GFY: variants seen among roughly 807,000 people sequenced by gnomAD.
The protein encoded by GFY is golgi associated olfactory signaling regulator, also known as Golgi-associated olfactory signaling regulator.
In GFY, 28 loss-of-function variants were observed where a neutral mutation model predicts 29.1. That is an observed-to-expected ratio of 0.96 (90% CI 0.71 to 1.32). The LOEUF (loss-of-function observed/expected upper bound fraction) is 1.32, where lower values mean the gene tolerates loss of function less well. GFY is among the 40% of genes most tolerant of loss of function. The probability of loss-of-function intolerance (pLI) is 0.00; values close to 1 mark genes in which losing one functional copy is unlikely to be tolerated. For missense variants in GFY, 656 were observed against 661.9 expected (o/e 0.99, Z 0.10); for synonymous variants, 277 against 274.5 (o/e 1.01, Z -0.09).
chr19:49,426,716 A>G lies in GFY; in HGVS notation c.286A>G (p.Thr96Ala), dbSNP rs1355778176. 2.0e-6 allele frequency: 3 copies of G among 1,535,518 alleles called. No individual in the cohort carries two copies. The African/African-American group carries it at 4.1e-5, about 21-fold the overall frequency. ...GCCCCTCAACCCTGACCTCCGAGAA[A>G]CCCCGCACCCAGAGTCTCCTGAGAC... ...TEPLNPDLRE[T>A]PHPESPETPK... Residue 96 changes from threonine to alanine, a missense_variant, in exon 2 of 4, where the codon ACC (threonine) becomes GCC (alanine). Thr to Ala is a moderately conservative substitution (Grantham distance 58). Coordinates refer to ENST00000610896, the MANE Select transcript of GFY (RefSeq NM_001195256.2).
In GFY at chr19:49,426,415, G is replaced by A. The variant is rs375767641; in HGVS notation, c.-16G>A. 1.3e-6 allele frequency: 2 copies of A among 1,520,500 alleles called. No individual in the cohort carries two copies. Among genetic ancestry groups the A allele is most frequent in the Non-Finnish European group, 1.8e-6 (2 of 1,138,590 alleles). The allele number at this position is 1,520,500 out of a possible 1,614,324, so 94.2% of individuals were successfully genotyped here. On this transcript the variant is annotated 5_prime_UTR_variant, in exon 2 of 4. Coordinates refer to ENST00000610896, the MANE Select transcript of GFY (RefSeq NM_001195256.2). ...CTTCCCGCTCTCCCCCGCAGCTATA[G>A]GTATCTGCCAGAGCTATGAAATCAT...
rs867743844 is a variant in GFY, at chr19:49,427,171, G to A, written c.741G>A (p.Val247=). ...AAACCCCCCACCCAGAATCCCATGT[G>A]ACCCACAATCCCAGCCCCACCGAAA... ...PSKTPHPESH[V]THNPSPTEIS... is the part of the protein sequence containing the mutation. Residue 247 remains valine (V), a synonymous_variant, in exon 2 of 4, where the codon GTG becomes GTA. Coordinates refer to ENST00000610896, the MANE Select transcript of GFY (RefSeq NM_001195256.2). 3.3e-6 allele frequency: 5 copies of A among 1,535,318 alleles called. No homozygotes were observed. The African/African-American group carries it at 4.1e-5, about 13-fold the overall frequency.
intron 1 of GFY, 110 bp downstream of exon 1, chr19:49,425,599 G>A (rs1268106760): frequency 1.3e-5 from 2 of 152,392 alleles, no homozygotes; most frequent in Non-Finnish European, 2.9e-5. Flanking sequence ...CCCCGGAGAT[G>A]CCGAAATCCT....
Position 49,427,581 on chromosome 19 carries a change from C to G in GFY, c.1151C>G (p.Thr384Ser), listed in dbSNP as rs967906669. 5.4e-6 allele frequency: 8 copies of G among 1,485,318 alleles called. No homozygotes were observed. Among genetic ancestry groups the G allele is most frequent in the African/African-American group, 4.2e-5 (3 of 70,862 alleles). The allele number at this position is 1,485,318 out of a possible 1,614,324, so 92.0% of individuals were successfully genotyped here. A position where few individuals can be genotyped will look rare whatever the true frequency, so the allele number is the denominator to read the frequency against. Residue 384 changes from threonine to serine, a missense_variant, in exon 2 of 4, where the codon ACC (threonine) becomes AGC (serine). Transcript: ENST00000610896. ...QRHSRGEGVN[T>S]IIVVERVKET... ...CACAGCCGAGGTGAGGGAGTCAACACCATCATCGTGGTGGAGCGAGTGAAG... is the reference window on the plus strand; with the variant it reads ...CACAGCCGAGGTGAGGGAGTCAACAGCATCATCGTGGTGGAGCGAGTGAAG...
In GFY at chr19:49,426,616, T is replaced by C; in HGVS notation, c.186T>C (p.Pro62=). The part of the protein sequence containing the change: ...SKRDRLNPEF[P]GTPYPEPSKL... ...GAGATCGCCTTAACCCAGAATTTCCTGGGACTCCTTACCCTGAGCCTTCCA... is the reference window on the plus strand; with the variant it reads ...GAGATCGCCTTAACCCAGAATTTCCCGGGACTCCTTACCCTGAGCCTTCCA... Residue 62 remains proline (P), a synonymous_variant, in exon 2 of 4, where the codon CCT becomes CCC. Coordinates refer to ENST00000610896, the MANE Select transcript of GFY (RefSeq NM_001195256.2). 1 of 1,535,982 alleles carries C rather than the reference T, an allele frequency of 6.5e-7. No individual in the cohort carries two copies. Among genetic ancestry groups the C allele is most frequent in the Non-Finnish European group, 8.7e-7 (1 of 1,146,842 alleles).
chr19:49,428,797 G>C lies in GFY; in HGVS notation c.1536G>C (p.Thr512=). Residue 512 remains threonine (T), a synonymous_variant, in exon 4 of 4, where the codon ACG becomes ACC. Transcript: ENST00000610896. ...PQRLEALSPA[T]LPNNFV The stretch of plus-strand genomic sequence containing the variant: ...GTCTGGAGGCCCTGTCCCCCGCCAC[G>C]CTCCCCAACAACTTCGTGTGAGCCC... The C allele has an allele frequency of 6.8e-7, 1 of 1,461,682 alleles. No individual in the cohort carries two copies. Among genetic ancestry groups the C allele is most frequent in the East Asian group, 2.6e-5 (1 of 38,012 alleles). The allele number at this position is 1,461,682 out of a possible 1,614,324, so 90.5% of individuals were successfully genotyped here.
At chr19:49,425,379 T>G (rs199714636), upstream of GFY, 1 of 152,180 alleles carries the variant, frequency 6.6e-6, no homozygotes, top group Non-Finnish European at 1.5e-5. Flanking sequence ...GCGTCACCTG[T>G]GTGCCCCTGA....
At position 49,426,650 on chromosome 19, in the gene GFY, C is replaced by T. The variant is rs1975076055; in HGVS notation, c.220C>T (p.His74Tyr). The T allele has an allele frequency of 1.3e-6, 2 of 1,536,030 alleles. No homozygotes were observed. The highest frequency in any genetic ancestry group is 1.7e-6 in the Non-Finnish European group (2 of 1,146,900). Reference sequence around the variant, plus strand: ...TTACCCTGAGCCTTCCAAGCTACCTCATACGGTTTCCCTGGAAACCTTCCC... The same window carrying T: ...TTACCCTGAGCCTTCCAAGCTACCTTATACGGTTTCCCTGGAAACCTTCCC... ...TPYPEPSKLP[H>Y]TVSLETFPLD... is the part of the protein sequence containing the mutation. Residue 74 changes from histidine (H) to tyrosine (Y), a missense_variant, in exon 2 of 4, where the codon CAT (histidine) becomes TAT (tyrosine). Physicochemically the swap from His to Tyr is moderately conservative, Grantham distance 83. Transcript: ENST00000610896.
chr19:49,424,470 T>C (rs959589134), upstream of GFY, among the ~76,000 whole-genome samples: 1 of 152,132 alleles, frequency 6.6e-6, no homozygotes, highest in Non-Finnish European at 1.5e-5. Flanking sequence ...GGTCTTGAAC[T>C]CCTGACCTTG....
Position 49,426,682 on chromosome 19 carries a change from C to T in GFY, c.252C>T (p.Asp84=). ...HTVSLETFPL[D]FTEPLNPDLR... ...TTTCCCTGGAAACCTTCCCACTTGA[C>T]TTCACTGAGCCCCTCAACCCTGACC... Residue 84 remains aspartate (D), a synonymous_variant, in exon 2 of 4, where the codon GAC becomes GAT. Coordinates refer to ENST00000610896, the MANE Select transcript of GFY (RefSeq NM_001195256.2). The T allele has an allele frequency of 6.5e-7, 1 of 1,536,204 alleles. No homozygotes were observed. Among genetic ancestry groups the T allele is most frequent in the South Asian group, 1.2e-5 (1 of 84,046 alleles).
At position 49,428,896 on chromosome 19, in the gene GFY, T is replaced by C. The variant is rs2078945743; in HGVS notation, c.*78T>C. On this transcript the variant is annotated 3_prime_UTR_variant, in exon 4 of 4. Coordinates refer to ENST00000610896, the MANE Select transcript of GFY (RefSeq NM_001195256.2). ...GCGCTTCTGGTATGCTTAGCTAGAG[T>C]AGTGCCCCGGATAAAGGGTCTAATA... 1 of 992,800 alleles carries C rather than the reference T, an allele frequency of 1.0e-6. No individual in the cohort carries two copies. Among genetic ancestry groups the C allele is most frequent in the Non-Finnish European group, 1.4e-6 (1 of 710,804 alleles). 61.5% of individuals were successfully genotyped at this position (992,800 alleles called of 1,614,324 possible). A position where few individuals can be genotyped will look rare whatever the true frequency, so the allele number is the denominator to read the frequency against.
chr19:49,426,121 G>A (rs1328528554), intron 1 of GFY, among the ~76,000 whole-genome samples: 2 of 152,222 alleles, frequency 1.3e-5, no homozygotes, highest in African/African-American at 4.8e-5. Flanking sequence ...CTGAGGCCTG[G>A]AGAAGTGTCG....
intron 2 of GFY, 93 bp from the exon 3 acceptor site, chr19:49,427,853 C>T: frequency 7.0e-7 from 1 of 1,421,574 alleles, no homozygotes; most frequent in Non-Finnish European, 9.4e-7. Flanking sequence ...AACAGGAATT[C>T]CTGGATCTGA....
chr19:49,424,182 G>C (rs1471036101), upstream of GFY, among the ~76,000 whole-genome samples: 1 of 152,154 alleles, frequency 6.6e-6, no homozygotes, highest in Admixed American at 6.5e-5. Context: ...TATCTGGGAG[G>C]AGTTTGGGGG....
In GFY at chr19:49,426,543, A is replaced by AC. The variant is rs752948288; in HGVS notation, c.117dup (p.Ser40LeufsTer2). ...GGCTGTGGCTTTCCGGACATGGCCC[A>AC]CCCCTCTGAGACTTCCCCTCTGAAG... On this transcript the variant is annotated frameshift_variant, in exon 2 of 4. Coordinates refer to ENST00000610896, the MANE Select transcript of GFY (RefSeq NM_001195256.2). LOFTEE classifies it high-confidence loss of function. 5 of 1,535,842 alleles carry AC rather than the reference A, an allele frequency of 3.3e-6. No homozygotes were observed. Among genetic ancestry groups the AC allele is most frequent in the Admixed American group, 3.9e-5 (2 of 50,972 alleles).
Position 49,426,966 on chromosome 19 carries a change from A to G in GFY, c.536A>G (p.Gln179Arg). Residue 179 changes from glutamine to arginine, a missense_variant, in exon 2 of 4, where the codon CAA becomes CGA. Gln to Arg is a conservative substitution (Grantham distance 43). Coordinates refer to ENST00000610896, the MANE Select transcript of GFY (RefSeq NM_001195256.2). ...ACTGACCTTATGCAAACTACACCCC[A>G]AGAATCCCCAGAGATTCTGCAGCTT... ...PNTDLMQTTP[Q>R]ESPEILQLNA... The G allele has an allele frequency of 6.5e-7, 1 of 1,535,556 alleles. No homozygotes were observed.
rs1409252989 is a variant in GFY, at chr19:49,428,683, C to G, written c.1422C>G (p.Val474=). The G allele has an allele frequency of 1.3e-6, 2 of 1,532,154 alleles. No individual in the cohort carries two copies. The allele number at this position is 1,532,154 out of a possible 1,614,324, so 94.9% of individuals were successfully genotyped here. A position where few individuals can be genotyped will look rare whatever the true frequency, so the allele number is the denominator to read the frequency against. The stretch of plus-strand genomic sequence containing the variant: ...ACTTTTATGCTCCGGATACCTGGGT[C>G]CCTTCCCACATCGCCACCAAGCAGC... ...DLYFYAPDTW[V]PSHIATKQPP... is the part of the protein sequence containing the mutation. The change falls in exon 4 of 4, where the codon GTC becomes GTG. Residue 474 remains valine (V), a synonymous_variant. Transcript: ENST00000610896.
At chr19:49,424,190 G>C (rs941323907), upstream of GFY, among the ~76,000 whole-genome samples, 101 of 152,104 alleles carry the variant, frequency 6.6e-4, 1 homozygote, top group African/African-American at 2.3e-3. Context: ...AGGAGTTTGG[G>C]GGTGCTGTGA....
In GFY at chr19:49,428,882, A is replaced by G. The variant is rs539696206; in HGVS notation, c.*64A>G. The stretch of plus-strand genomic sequence containing the variant: ...TGAAGGAAAACCCTGCGCTTCTGGT[A>G]TGCTTAGCTAGAGTAGTGCCCCGGA... On this transcript the variant is annotated 3_prime_UTR_variant, in exon 4 of 4. Transcript: ENST00000610896. 6.2e-5 allele frequency: 71 copies of G among 1,136,666 alleles called. No homozygotes were observed. Among genetic ancestry groups the G allele is most frequent in the Admixed American group, 1.3e-4 (4 of 31,296 alleles). The allele number at this position is 1,136,666 out of a possible 1,614,324, so 70.4% of individuals were successfully genotyped here. A position where few individuals can be genotyped will look rare whatever the true frequency, so the allele number is the denominator to read the frequency against.
Sources: gnomAD v4.1 joint callset for allele counts (sites outside exome capture counted in the v4.1 genomes callset) on GRCh38, gnomAD v4.1.1 for gene constraint, MANE v1.5 for transcripts, NCBI Gene and HGNC (gene_info 2026-07-23, HGNC 2026-07-21) for gene names.